Variants in CDCP1 observed in about 807,000 individuals in gnomAD.
CDCP1 encodes CUB domain-containing protein 1.
CDCP1 carries 29 observed loss-of-function variants against 60.2 expected under a neutral mutation model. The ratio of observed to expected loss-of-function variants is 0.48; its 90% CI spans 0.36 to 0.66. CDCP1 has a LOEUF of 0.66. Ranked by LOEUF, CDCP1 falls within the 30% of genes least tolerant of loss-of-function variation. CDCP1 has a pLI of 0.00. For missense variants in CDCP1, 876 were observed against 1,074.3 expected (o/e 0.82, Z 2.58); for synonymous variants, 387 against 431.1 (o/e 0.90, Z 1.27).
At chr3:45,117,340 T>C (rs536333144) in intron 2 of CDCP1, among the ~76,000 whole-genome samples, 1 of 152,358 alleles carries the variant, frequency 6.6e-6, no homozygotes, top group East Asian at 1.9e-4. Flanking sequence ...TATTTAAGTA[T>C]TATGTGTCAT....
chr3:45,122,703 C>T (rs1366498642), intron 1 of CDCP1, among the ~76,000 whole-genome samples: 1 of 152,182 alleles, frequency 6.6e-6, no homozygotes, highest in African/African-American at 2.4e-5. Context: ...ATTTGCCCAC[C>T]TCGGCCTCCC....
Position 45,121,715 on chromosome 3 carries a change from G to A in CDCP1, c.83-3094C>T, listed in dbSNP as rs148794909. On this transcript the variant is annotated intron_variant, in intron 1 of 8. Coordinates refer to ENST00000296129, the MANE Select transcript of CDCP1 (RefSeq NM_022842.5). ...GGAGTACCAGGGGGCAAAGCAGACCGTGCAGGGTGAGGGGACTGTTTTGTA... is the reference window on the plus strand; with the variant it reads ...GGAGTACCAGGGGGCAAAGCAGACCATGCAGGGTGAGGGGACTGTTTTGTA... 1.6e-4 allele frequency among the ~76,000 whole-genome samples: 24 copies of A among 152,306 alleles called. No homozygotes were observed. In the East Asian group the frequency reaches 3.9e-3, roughly 24 times the overall value.
At position 45,091,840 on chromosome 3, in the gene CDCP1, G is replaced by A. The variant is rs1016316127; in HGVS notation, c.1628-302C>T. Among the ~76,000 whole-genome samples the A allele has an allele frequency of 1.3e-5, 2 of 152,224 alleles. No individual in the cohort carries two copies. Among genetic ancestry groups the A allele is most frequent in the African/African-American group, 2.4e-5 (1 of 41,454 alleles). On this transcript the variant is annotated intron_variant, in intron 6 of 8. Transcript: ENST00000296129. The surrounding 1 kb of genome is among the most constrained non-coding windows in gnomAD (Gnocchi z 4.8). Reference sequence around the variant, plus strand: ...CTCACTCTGTTGCCCAGGCTAGAGTGCAGTGGCACGATCTCGGCTCACTGC... The same window carrying A: ...CTCACTCTGTTGCCCAGGCTAGAGTACAGTGGCACGATCTCGGCTCACTGC...
chr3:45,118,505 T>A lies in CDCP1; in HGVS notation c.199A>T (p.Met67Leu). 6.2e-7 allele frequency: 1 copy of A among 1,614,196 alleles called. No individual in the cohort carries two copies. ...YIVISKRHIT[M>L]LSIKSGERIV... ...CTTTCTCCAGACTTGATGGACAACA[T>A]GGTTATATGTCTTTTAGAAATGACG... The change falls in exon 2 of 9, where the codon ATG (methionine) becomes TTG (leucine). Residue 67 changes from methionine (M) to leucine (L), a missense_variant. Physicochemically the swap from Met to Leu is conservative, Grantham distance 15. Coordinates refer to ENST00000296129, the MANE Select transcript of CDCP1 (RefSeq NM_022842.5).
intron 8 of CDCP1, among the ~76,000 whole-genome samples, chr3:45,088,263 C>T (rs1227933362): frequency 6.6e-6 from 1 of 151,998 alleles, no homozygotes; most frequent in Non-Finnish European, 1.5e-5. Flanking sequence ...GGGTGGATCA[C>T]TTGAGGTCAG....
intron 1 of CDCP1, among the ~76,000 whole-genome samples, chr3:45,123,341 G>A (rs542882836): frequency 6.6e-6 from 1 of 152,278 alleles, no homozygotes; most frequent in Non-Finnish European, 1.5e-5. Context: ...CCAGACCAGA[G>A]AATTTGGGCT....
intron 4 of CDCP1, 190 bp downstream of exon 4, chr3:45,110,283 A>C (rs1382860329): frequency 7.0e-7 from 1 of 1,431,154 alleles, no homozygotes. Flanking sequence ...GGAACTACAT[A>C]CCGGGTGTTC....
In CDCP1 at chr3:45,082,736, C is replaced by T. The variant is rs1379415675; in HGVS notation, c.*2902G>A. ...GTGCAATGACCACAGCATTAGAGACCAGTCCTGCATGCGCTGGCCTTCCTC... is the reference window on the plus strand; with the variant it reads ...GTGCAATGACCACAGCATTAGAGACTAGTCCTGCATGCGCTGGCCTTCCTC... On this transcript the variant is annotated 3_prime_UTR_variant, in exon 9 of 9. Transcript: ENST00000296129. The T allele has an allele frequency of 2.0e-5, 3 of 152,218 alleles. No homozygotes were observed. The highest frequency in any genetic ancestry group is 4.4e-5 in the Non-Finnish European group (3 of 68,056). The allele number at this position is 152,218 out of a possible 1,614,324, so 9.4% of individuals were successfully genotyped here.
intron 1 of CDCP1, among the ~76,000 whole-genome samples, chr3:45,143,076 C>T (rs571424253): frequency 6.6e-6 from 1 of 152,218 alleles, no homozygotes; most frequent in African/African-American, 2.4e-5. Context: ...TGGTGGTGCA[C>T]ACCTGTAATC....
chr3:45,096,821 A>T (rs1276258035), intron 4 of CDCP1, among the ~76,000 whole-genome samples: 2 of 152,104 alleles, frequency 1.3e-5, no homozygotes, highest in Non-Finnish European at 2.9e-5. Flanking sequence ...GAGAAATATG[A>T]CAAATCCGTG....
intron 2 of CDCP1, among the ~76,000 whole-genome samples, chr3:45,117,237 A>G (rs1355847238): frequency 6.6e-6 from 1 of 152,212 alleles, no homozygotes; most frequent in Non-Finnish European, 1.5e-5. Context: ...GAAATTATAA[A>G]TGCATGTTTC....
At chr3:45,089,419 T>C (rs763671731) in intron 7 of CDCP1, among the ~76,000 whole-genome samples, 1 of 152,210 alleles carries the variant, frequency 6.6e-6, no homozygotes, top group Admixed American at 6.5e-5. Context: ...CCAGCTACTA[T>C]GTAAGAAGTC....
At chr3:45,088,636 C>T (rs1035531804) in intron 8 of CDCP1, among the ~76,000 whole-genome samples, 6 of 152,206 alleles carry the variant, frequency 3.9e-5, no homozygotes, top group African/African-American at 1.2e-4. Context: ...GCTTAAGAAA[C>T]TGCAGGAGAA....
At chr3:45,113,150 C>T (rs1559394534) in intron 2 of CDCP1, among the ~76,000 whole-genome samples, 1 of 152,184 alleles carries the variant, frequency 6.6e-6, no homozygotes, top group Non-Finnish European at 1.5e-5. Context: ...GTGCCAAGAT[C>T]CATCCTTTAA....
At chr3:45,111,938 T>C in intron 3 of CDCP1, 145 bp downstream of exon 3, 1 of 1,032,616 alleles carries the variant, frequency 9.7e-7, no homozygotes, top group Non-Finnish European at 1.4e-6. Context: ...GCATGACCCA[T>C]GTCACTTATA....
intron 4 of CDCP1, chr3:45,110,067 C>A: frequency 2.8e-6 from 1 of 359,382 alleles, no homozygotes; most frequent in Non-Finnish European, 4.1e-6. Flanking sequence ...GTGCCTAACA[C>A]AAGATGACAT....
chr3:45,133,904 C>T (rs1380172024), intron 1 of CDCP1, among the ~76,000 whole-genome samples: 1 of 152,146 alleles, frequency 6.6e-6, no homozygotes, highest in Non-Finnish European at 1.5e-5. Flanking sequence ...GATGTCCTCA[C>T]CACCTCCGTC....
At chr3:45,088,264 T>C (rs1022981413) in intron 8 of CDCP1, among the ~76,000 whole-genome samples, 1 of 151,966 alleles carries the variant, frequency 6.6e-6, no homozygotes, top group African/African-American at 2.4e-5. Flanking sequence ...GGTGGATCAC[T>C]TGAGGTCAGG....
At chr3:45,093,166 T>C (rs1698325376) in intron 6 of CDCP1, 111 bp downstream of exon 6, 1 of 1,248,282 alleles carries the variant, frequency 8.0e-7, no homozygotes, top group African/African-American at 1.5e-5. Context: ...GACCAGCATA[T>C]TGAGCTATCC....
Sources: gnomAD v4.1 joint callset for allele counts (sites outside exome capture counted in the v4.1 genomes callset) on GRCh38, gnomAD v4.1.1 for gene constraint, Gnocchi (gnomAD v3.1) non-coding constraint, MANE v1.5 for transcripts, NCBI Gene and HGNC (gene_info 2026-07-23, HGNC 2026-07-21) for gene names.